The following RABGAP1L variants were observed in gnomAD, a reference collection of about 807,000 sequenced individuals.
RABGAP1L encodes the protein RAB GTPase activating protein 1 like.
RABGAP1L carries 63 observed loss-of-function variants against 137.7 expected under a neutral mutation model. The observed-to-expected ratio is 0.46, with a 90% CI of 0.37 to 0.56. The LOEUF (loss-of-function observed/expected upper bound fraction) is 0.56, where lower values mean the gene tolerates loss of function less well. RABGAP1L is among the 20% of genes least tolerant of loss of function. RABGAP1L has a pLI of 0.00. For synonymous variants in RABGAP1L, 431 were observed against 433.7 expected, an observed-to-expected ratio of 0.99 and a Z score of 0.08; for missense variants, 1,095 against 1,244.0, an observed-to-expected ratio of 0.88 and a Z score of 1.80.
intron 12 of RABGAP1L, among the ~76,000 whole-genome samples, chr1:174,371,993 C>A (rs1685148700): frequency 6.6e-6 from 1 of 152,032 alleles, no homozygotes; most frequent in Non-Finnish European, 1.5e-5. Flanking sequence ...TTAGGTTTAT[C>A]AAATTTGGAC....
chr1:174,543,990 G>T (rs1488171923), intron 13 of RABGAP1L, among the ~76,000 whole-genome samples: 2 of 152,174 alleles, frequency 1.3e-5, no homozygotes, highest in African/African-American at 4.8e-5. Flanking sequence ...GCTTCCCTTT[G>T]TGGGTAACTC....
chr1:174,976,836 C>T (rs917461710), intron 22 of RABGAP1L, among the ~76,000 whole-genome samples: 3 of 152,202 alleles, frequency 2.0e-5, no homozygotes, highest in Non-Finnish European at 4.4e-5. Context: ...GGCCTATGGG[C>T]CCAAGGAATT....
chr1:174,485,272 A>C (rs1659516286), intron 13 of RABGAP1L, among the ~76,000 whole-genome samples: 1 of 152,170 alleles, frequency 6.6e-6, no homozygotes, highest in African/African-American at 2.4e-5. Context: ...ATGTAAGATT[A>C]TATCATTTGC....
intron 13 of RABGAP1L, among the ~76,000 whole-genome samples, chr1:174,521,005 AAC>A (rs1473346952): frequency 2.0e-5 from 3 of 152,202 alleles, no homozygotes; most frequent in East Asian, 1.9e-4. Flanking sequence ...GTTGCAAAAA[AAC>A]AGTGTTTTAG....
chr1:174,750,319 A>C (rs561840937), intron 17 of RABGAP1L, among the ~76,000 whole-genome samples: 2 of 151,784 alleles, frequency 1.3e-5, no homozygotes, highest in Admixed American at 1.3e-4. Flanking sequence ...AGGAGAGTAT[A>C]ATGAGGCATG....
At chr1:174,456,885 C>T (rs1036066720) in intron 13 of RABGAP1L, among the ~76,000 whole-genome samples, 2 of 152,016 alleles carry the variant, frequency 1.3e-5, no homozygotes, top group African/African-American at 4.8e-5. Context: ...TTGCAAAGTC[C>T]AAATTTGGAT....
At chr1:174,751,858 G>C (rs138934214) in intron 17 of RABGAP1L, among the ~76,000 whole-genome samples, 10 of 152,152 alleles carry the variant, frequency 6.6e-5, no homozygotes, top group Non-Finnish European at 1.0e-4. Context: ...AAAGCCTCCA[G>C]TACACAATCT....
At chr1:174,878,997 G>A (rs1044808880) in intron 19 of RABGAP1L, among the ~76,000 whole-genome samples, 1 of 131,216 alleles carries the variant, frequency 7.6e-6, no homozygotes, top group African/African-American at 3.0e-5. Flanking sequence ...ACAGTGACAC[G>A]ATTTCAGCTC....
chr1:174,650,276 G>T (rs1347900417), intron 14 of RABGAP1L, among the ~76,000 whole-genome samples: 1 of 152,222 alleles, frequency 6.6e-6, no homozygotes, highest in African/African-American at 2.4e-5. Context: ...GTTCACCAAG[G>T]ATATTGGTCT....
chr1:174,499,221 C>T (rs1201858806), intron 13 of RABGAP1L, among the ~76,000 whole-genome samples: 1 of 151,558 alleles, frequency 6.6e-6, no homozygotes, highest in East Asian at 1.9e-4. Flanking sequence ...AAATCTTTTA[C>T]AGAACTTAGA....
chr1:174,481,309 C>T (rs1252654265), intron 13 of RABGAP1L, among the ~76,000 whole-genome samples: 1 of 152,148 alleles, frequency 6.6e-6, no homozygotes, highest in African/African-American at 2.4e-5. Context: ...AATCATTGAC[C>T]ACTTTTTGCT....
intron 13 of RABGAP1L, among the ~76,000 whole-genome samples, chr1:174,541,106 T>G (rs2147933509): frequency 6.6e-6 from 1 of 152,326 alleles, no homozygotes; most frequent in African/African-American, 2.4e-5. Flanking sequence ...GTTATTGATG[T>G]AGAGGAATGC....
At chr1:174,852,700 C>T (rs949511870) in intron 19 of RABGAP1L, among the ~76,000 whole-genome samples, 2 of 151,926 alleles carry the variant, frequency 1.3e-5, no homozygotes, top group African/African-American at 4.8e-5. Flanking sequence ...CCTGTAATCC[C>T]AGCTACTCAG....
chr1:174,662,189 C>T (rs1283737101), intron 14 of RABGAP1L, among the ~76,000 whole-genome samples: 1 of 149,064 alleles, frequency 6.7e-6, no homozygotes, highest in Non-Finnish European at 1.5e-5. Context: ...CTGCAACCTC[C>T]GCCTCCTGGG....
chr1:174,552,152 T>G (rs895647553), intron 13 of RABGAP1L, among the ~76,000 whole-genome samples: 1 of 152,208 alleles, frequency 6.6e-6, no homozygotes, highest in African/African-American at 2.4e-5. Flanking sequence ...TCATCTGGAT[T>G]TATATTTTAT....
At chr1:174,923,147 GAAAAAAAA>G (rs61592378) in intron 19 of RABGAP1L, among the ~76,000 whole-genome samples, 2 of 130,314 alleles carry the variant, frequency 1.5e-5, no homozygotes, top group African/African-American at 5.3e-5. Flanking sequence ...CCCTATCTCA[GAAAAAAAA>G]AAAAAAGTAG....
chr1:174,196,566 ATCTTTTT>A (rs1453439459), intron 1 of RABGAP1L, among the ~76,000 whole-genome samples: 4 of 148,712 alleles, frequency 2.7e-5, no homozygotes, highest in African/African-American at 4.9e-5. Context: ...TGAGTTTTTA[ATCTTTTT>A]TCTTTTTTTT....
At chr1:174,350,240 C>T (rs1253268028) in intron 11 of RABGAP1L, among the ~76,000 whole-genome samples, 124 of 128,622 alleles carry the variant, frequency 9.6e-4, no homozygotes, top group Non-Finnish European at 3.1e-4. Flanking sequence ...CGGAGACGCT[C>T]CTCACTTCCC....
intron 13 of RABGAP1L, among the ~76,000 whole-genome samples, chr1:174,596,380 C>G (rs1178432524): frequency 6.6e-6 from 1 of 152,144 alleles, no homozygotes; most frequent in Non-Finnish European, 1.5e-5. Flanking sequence ...TTCCTCCCTC[C>G]TCTTCAGTTT....
Sources: allele counts gnomAD v4.1 joint callset (sites outside exome capture counted in the v4.1 genomes callset), GRCh38; gene constraint gnomAD v4.1.1; transcripts MANE v1.5; gene names NCBI Gene and HGNC (gene_info 2026-07-23, HGNC 2026-07-21).